The following SH3GL2 variants were observed in gnomAD, a reference collection of about 807,000 sequenced individuals.
SH3GL2 encodes the protein endophilin-A1.
Under a neutral mutation model 46.0 loss-of-function variants are expected in SH3GL2, and 24 were observed. That is an observed-to-expected ratio of 0.52 (90% CI 0.38 to 0.73). SH3GL2 has a LOEUF of 0.73. Among genes scored for constraint, SH3GL2 ranks in the 30% least tolerant of loss-of-function variants. The pLI, the probability that SH3GL2 is intolerant of heterozygous loss-of-function variation, is 0.00. For synonymous variants in SH3GL2, 196 were observed against 147.1 expected (o/e 1.33, Z -2.40); for missense variants, 413 against 424.2 (o/e 0.97, Z 0.23).
chr9:17,605,475 T>G (rs1044183489), intron 1 of SH3GL2, among the ~76,000 whole-genome samples: 3 of 152,044 alleles, frequency 2.0e-5, no homozygotes, highest in African/African-American at 7.2e-5. Context: ...CAGTATATGA[T>G]AGGGGTAAGA....
intron 1 of SH3GL2, among the ~76,000 whole-genome samples, chr9:17,729,929 T>C (rs1822126616): frequency 6.6e-6 from 1 of 152,062 alleles, no homozygotes; most frequent in South Asian, 2.1e-4. Flanking sequence ...CTTAGGATTG[T>C]CTTGGCTATA....
rs140748857 is a variant in SH3GL2, at chr9:17,638,796, C to T, written c.45+59509C>T. Among the ~76,000 whole-genome samples, 274 of 152,314 alleles carry T rather than the reference C, an allele frequency of 1.8e-3. 1 individual carries two copies. The highest frequency in any genetic ancestry group is 2.9e-3 in the Admixed American group (45 of 15,304). ...CTCAACAGAGGGTCCTTACCACCCA[C>T]CCCTCCTTGATGTCTTATAAGCTGA... On this transcript the variant is annotated intron_variant, in intron 1 of 8. Transcript: ENST00000380607.
intron 1 of SH3GL2, among the ~76,000 whole-genome samples, chr9:17,630,050 G>A (rs769695967): frequency 1.3e-5 from 2 of 152,086 alleles, no homozygotes; most frequent in Non-Finnish European, 2.9e-5. Context: ...CTCATGTTTT[G>A]CAAGTGACTC....
intron 1 of SH3GL2, among the ~76,000 whole-genome samples, chr9:17,704,280 A>G (rs1461314109): frequency 6.6e-6 from 1 of 152,086 alleles, no homozygotes; most frequent in Non-Finnish European, 1.5e-5. Context: ...CACTGCTCAA[A>G]GAAATCGGAG....
chr9:17,737,257 C>T (rs1041004865), intron 1 of SH3GL2, among the ~76,000 whole-genome samples: 1 of 151,976 alleles, frequency 6.6e-6, no homozygotes, highest in South Asian at 2.1e-4. Flanking sequence ...ATGTAGATGA[C>T]AGGTTGATGG....
chr9:17,662,061 T>A (rs902548343), intron 1 of SH3GL2, among the ~76,000 whole-genome samples: 1 of 152,230 alleles, frequency 6.6e-6, no homozygotes, highest in Non-Finnish European at 1.5e-5. Flanking sequence ...AAATGACCCT[T>A]AACTGTCCAA....
At chr9:17,658,433 C>G (rs953044901) in intron 1 of SH3GL2, among the ~76,000 whole-genome samples, 1 of 152,186 alleles carries the variant, frequency 6.6e-6, no homozygotes. Flanking sequence ...CATCTGAATT[C>G]TGCTGGGTCA....
intron 1 of SH3GL2, among the ~76,000 whole-genome samples, chr9:17,584,291 A>T (rs1485268391): frequency 6.6e-6 from 1 of 152,168 alleles, no homozygotes; most frequent in Non-Finnish European, 1.5e-5. Context: ...ACTTGAGGTC[A>T]GGAGTTCAAA....
intron 1 of SH3GL2, among the ~76,000 whole-genome samples, chr9:17,613,217 A>C (rs947717461): frequency 1.3e-5 from 2 of 152,168 alleles, no homozygotes; most frequent in African/African-American, 4.8e-5. Context: ...TGACAGTGAG[A>C]TAGTAGAAGT....
At chr9:17,703,291 A>C (rs781508572) in intron 1 of SH3GL2, among the ~76,000 whole-genome samples, 3 of 152,124 alleles carry the variant, frequency 2.0e-5, no homozygotes, top group Non-Finnish European at 4.4e-5. Context: ...ATCTCTTTTC[A>C]TAAAAATATT....
In SH3GL2 at chr9:17,650,385, T is replaced by G. The variant is rs140994893; in HGVS notation, c.45+71098T>G. Among the ~76,000 whole-genome samples, 310 of 152,286 alleles carry G rather than the reference T, an allele frequency of 2.0e-3. 1 individual carries two copies. Among genetic ancestry groups the G allele is most frequent in the Middle Eastern group, 6.8e-3 (2 of 294 alleles). On this transcript the variant is annotated intron_variant, in intron 1 of 8. Transcript: ENST00000380607. ...TTGAAGTTTTTTTGTTTGTTTGTTT[T>G]TTTTAAGACGGAGTCTCGCTCTGTC... is the stretch of plus-strand genomic sequence containing the variant.
chr9:17,696,059 C>T (rs945998001), intron 1 of SH3GL2, among the ~76,000 whole-genome samples: 2 of 152,044 alleles, frequency 1.3e-5, no homozygotes, highest in Non-Finnish European at 1.5e-5. Flanking sequence ...ACAACTTCCC[C>T]GAGCCTCTCT....
chr9:17,615,459 A>G (rs1200505550), intron 1 of SH3GL2, among the ~76,000 whole-genome samples: 1 of 152,064 alleles, frequency 6.6e-6, no homozygotes, highest in Non-Finnish European at 1.5e-5. Flanking sequence ...GATTGAGACT[A>G]TCCTGGCTAA....
chr9:17,721,092 C>A (rs1211952538), intron 1 of SH3GL2, among the ~76,000 whole-genome samples: 1 of 152,018 alleles, frequency 6.6e-6, no homozygotes, highest in African/African-American at 2.4e-5. Context: ...TAGTTCCTGC[C>A]TGCTTGGTCC....
chr9:17,604,730 C>T (rs932301388), intron 1 of SH3GL2, among the ~76,000 whole-genome samples: 2 of 152,152 alleles, frequency 1.3e-5, no homozygotes, highest in African/African-American at 4.8e-5. Flanking sequence ...GATGTCACTG[C>T]AGCCTGGAGG....
intron 1 of SH3GL2, among the ~76,000 whole-genome samples, chr9:17,746,232 C>A (rs544456405): frequency 6.6e-6 from 1 of 152,220 alleles, no homozygotes; most frequent in African/African-American, 2.4e-5. Context: ...CCCGCCACCA[C>A]GCCCAGCTAA....
chr9:17,738,626 T>TTTTATATATATA (rs58272546), intron 1 of SH3GL2, among the ~76,000 whole-genome samples: 1,397 of 74,758 alleles, frequency 0.019, 34 homozygotes, highest in Middle Eastern at 0.045. Flanking sequence ...TCATGTGATT[T>TTTTATATATATA]TATATATATA....
In SH3GL2 at chr9:17,659,751, A is replaced by G. The variant is rs117730902; in HGVS notation, c.45+80464A>G. On this transcript the variant is annotated intron_variant, in intron 1 of 8. Coordinates refer to ENST00000380607, the MANE Select transcript of SH3GL2 (RefSeq NM_003026.5). The stretch of plus-strand genomic sequence containing the variant: ...GAAATTGGTTCACTTTAGAGGCAAA[A>G]GAATCTTGACTTTCAAGCTGAACAA... 5.4e-3 allele frequency among the ~76,000 whole-genome samples: 823 copies of G among 152,332 alleles called. 5 individuals carry two copies. The highest frequency in any genetic ancestry group is 7.0e-3 in the Non-Finnish European group (477 of 68,022).
chr9:17,647,768 CAA>C (rs917882275), intron 1 of SH3GL2, among the ~76,000 whole-genome samples: 3 of 152,154 alleles, frequency 2.0e-5, no homozygotes, highest in African/African-American at 7.2e-5. Context: ...CTCACCAACT[CAA>C]AGAGGCATCC....
Sources: gnomAD v4.1 joint callset for allele counts (sites outside exome capture counted in the v4.1 genomes callset) on GRCh38, gnomAD v4.1.1 for gene constraint, MANE v1.5 for transcripts, NCBI Gene and HGNC (gene_info 2026-07-23, HGNC 2026-07-21) for gene names.